RCL1: variants seen among roughly 807,000 people sequenced by gnomAD.
RCL1 encodes the protein RNA 3'-terminal phosphate cyclase-like protein.
Under a neutral mutation model 42.4 loss-of-function variants are expected in RCL1, and 24 were observed. The ratio of observed to expected loss-of-function variants is 0.57; its 90% CI spans 0.41 to 0.80. RCL1 has a LOEUF of 0.80. Ranked by LOEUF, RCL1 falls within the 30% of genes least tolerant of loss-of-function variation. RCL1 has a pLI of 0.00. For synonymous variants in RCL1, 228 were observed against 177.3 expected (o/e 1.29, Z -2.27); for missense variants, 578 against 467.9 (o/e 1.24, Z -2.17).
At chr9:4,814,158 A>G (rs933044069) in intron 1 of RCL1, among the ~76,000 whole-genome samples, 1 of 149,448 alleles carries the variant, frequency 6.7e-6, no homozygotes, top group Non-Finnish European at 1.5e-5. Context: ...AAAAAAATAC[A>G]ATAAAATAAA....
intron 1 of RCL1, among the ~76,000 whole-genome samples, chr9:4,816,765 A>C (rs1816392800): frequency 6.6e-6 from 1 of 152,184 alleles, no homozygotes; most frequent in Non-Finnish European, 1.5e-5. Flanking sequence ...TCTTAACTAT[A>C]CTACAATAGC....
At chr9:4,816,224 T>C (rs569932919) in intron 1 of RCL1, among the ~76,000 whole-genome samples, 1 of 152,246 alleles carries the variant, frequency 6.6e-6, no homozygotes, top group East Asian at 1.9e-4. Flanking sequence ...TGTTGATTCA[T>C]TGGTATATTC....
rs936199039 is a variant in RCL1 at position 4,839,891 on chromosome 9, C to T, written c.585-1341C>T. On this transcript the variant is annotated intron_variant, in intron 5 of 8. Coordinates refer to ENST00000381750, the MANE Select transcript of RCL1 (RefSeq NM_005772.5). ...TCAAGTGGAGCTAACACTTGGGTGC[C>T]GGCTGGAGGGTTTCAGGAGAGAGAT... 13 of 985,170 alleles carry T rather than the reference C, an allele frequency of 1.3e-5. No individual in the cohort carries two copies. In the South Asian group the frequency reaches 1.4e-4, roughly 11 times the overall value. The allele number at this position is 985,170 out of a possible 1,614,324, so 61.0% of individuals were successfully genotyped here. A position where few individuals can be genotyped will look rare whatever the true frequency, so the allele number is the denominator to read the frequency against.
chr9:4,800,112 C>T, intron 1 of RCL1, among the ~76,000 whole-genome samples: 1 of 151,956 alleles, frequency 6.6e-6, no homozygotes, highest in Non-Finnish European at 1.5e-5. Context: ...ATGAAAAGAT[C>T]ACAAGTCTTT....
intron 1 of RCL1, among the ~76,000 whole-genome samples, chr9:4,817,912 ATTTTTTTTTT>A (rs66886360): frequency 3.8e-5 from 3 of 78,354 alleles, no homozygotes; most frequent in African/African-American, 5.9e-5. Flanking sequence ...CTTTTCTAAG[ATTTTTTTTTT>A]TTTTTTTTTT....
At chr9:4,831,613 A>C (rs1337398301) in intron 3 of RCL1, among the ~76,000 whole-genome samples, 2 of 150,434 alleles carry the variant, frequency 1.3e-5, no homozygotes, top group Non-Finnish European at 3.0e-5. Context: ...AGTAGCTAGG[A>C]CCACAGGCGT....
intron 6 of RCL1, among the ~76,000 whole-genome samples, chr9:4,843,824 CA>C (rs1817415342): frequency 6.6e-6 from 1 of 152,130 alleles, no homozygotes; most frequent in Non-Finnish European, 1.5e-5. Flanking sequence ...TTCTGCTGGT[CA>C]GGTGACTCAA....
At chr9:4,802,457 A>G (rs1185175025) in intron 1 of RCL1, among the ~76,000 whole-genome samples, 1 of 152,186 alleles carries the variant, frequency 6.6e-6, no homozygotes, top group Non-Finnish European at 1.5e-5. Context: ...CGTCTTTATT[A>G]TGTTGAGGTT....
At chr9:4,793,767 A>C (rs185950910) in intron 1 of RCL1, among the ~76,000 whole-genome samples, 4 of 152,244 alleles carry the variant, frequency 2.6e-5, no homozygotes, top group Non-Finnish European at 5.9e-5. Flanking sequence ...TGGATAAAGA[A>C]ATTTTTAAAA....
intron 8 of RCL1, among the ~76,000 whole-genome samples, chr9:4,855,321 G>T (rs973934013): frequency 1.3e-5 from 2 of 150,322 alleles, no homozygotes; most frequent in African/African-American, 4.9e-5. Context: ...TGTGTGGGTG[G>T]TTACTCATTG....
intron 1 of RCL1, among the ~76,000 whole-genome samples, chr9:4,800,430 G>T (rs113884699): frequency 0.043 from 6,574 of 151,828 alleles, 199 homozygotes; most frequent in East Asian, 0.093. Flanking sequence ...GGCCAGGCTG[G>T]TCTCGAACTC....
chr9:4,819,029 T>A lies in RCL1; in HGVS notation c.137-4519T>A, dbSNP rs769992849. Among the ~76,000 whole-genome samples the A allele has an allele frequency of 3.9e-5, 6 of 152,246 alleles. 1 individual carries two copies. Among genetic ancestry groups the A allele is most frequent in the Non-Finnish European group, 8.8e-5 (6 of 68,044 alleles). On this transcript the variant is annotated intron_variant, in intron 1 of 8. Transcript: ENST00000381750. ...AGGCCATTTAATGAAAACAGTTTTGTTGGCTATTTAAATCATGTTGGAATA... is the reference window on the plus strand; with the variant it reads ...AGGCCATTTAATGAAAACAGTTTTGATGGCTATTTAAATCATGTTGGAATA...
In RCL1 at chr9:4,827,199, C is replaced by G. The variant is rs542819358; in HGVS notation, c.384+166C>G. On this transcript the variant is annotated intron_variant, in intron 3 of 8. Coordinates refer to ENST00000381750, the MANE Select transcript of RCL1 (RefSeq NM_005772.5). ...TTAATCACTCCAGGAGGCAGATGAA[C>G]CAAAACTTAGGATCATCAAATTCAG... is the stretch of plus-strand genomic sequence containing the variant. The G allele has an allele frequency of 1.9e-6, 3 of 1,538,724 alleles. No individual in the cohort carries two copies. The African/African-American group carries it at 4.1e-5, about 21-fold the overall frequency.
chr9:4,817,031 A>G (rs1167918525), intron 1 of RCL1, among the ~76,000 whole-genome samples: 1 of 152,104 alleles, frequency 6.6e-6, no homozygotes, highest in Non-Finnish European at 1.5e-5. Context: ...GTTAGCCAGG[A>G]TGGTCTCAAT....
chr9:4,843,733 G>GCA (rs1423489929), intron 6 of RCL1, among the ~76,000 whole-genome samples: 1 of 152,210 alleles, frequency 6.6e-6, no homozygotes, highest in Non-Finnish European at 1.5e-5. Context: ...GTGGCACCTT[G>GCA]TCTTGCTTTC....
chr9:4,827,338 G>A, intron 3 of RCL1: 2 of 1,122,368 alleles, frequency 1.8e-6, no homozygotes. Flanking sequence ...GGCTGTATAT[G>A]TGAGAGTGGA....
At chr9:4,817,231 T>C (rs1478078784) in intron 1 of RCL1, among the ~76,000 whole-genome samples, 1 of 152,206 alleles carries the variant, frequency 6.6e-6, no homozygotes, top group Non-Finnish European at 1.5e-5. Context: ...TTAGGTCCTT[T>C]TGTGTCCTTT....
At chr9:4,856,897 C>T (rs1462653884) in intron 8 of RCL1, among the ~76,000 whole-genome samples, 1 of 152,174 alleles carries the variant, frequency 6.6e-6, no homozygotes, top group African/African-American at 2.4e-5. Flanking sequence ...GTTCAGGCCC[C>T]CTTTTCTCCA....
At chr9:4,840,956 A>G (rs1817297284) in intron 5 of RCL1, among the ~76,000 whole-genome samples, 1 of 152,116 alleles carries the variant, frequency 6.6e-6, no homozygotes, top group South Asian at 2.1e-4. Context: ...AACCATTTCT[A>G]GGGGAAGCGT....
Sources: gnomAD v4.1 joint callset for allele counts (sites outside exome capture counted in the v4.1 genomes callset) on GRCh38, gnomAD v4.1.1 for gene constraint, MANE v1.5 for transcripts, NCBI Gene and HGNC (gene_info 2026-07-23, HGNC 2026-07-21) for gene names.